ZFHX3: variants seen among roughly 807,000 people sequenced by gnomAD.
ZFHX3 encodes zinc finger homeobox 3.
ZFHX3 carries 42 observed loss-of-function variants against 279.1 expected under a neutral mutation model. That is an observed-to-expected ratio of 0.15 (90% CI 0.12 to 0.19). The LOEUF is 0.19. Ranked by LOEUF, ZFHX3 falls within the 10% of genes least tolerant of loss-of-function variation. The pLI, the probability that ZFHX3 is intolerant of heterozygous loss-of-function variation, is 1.00. For synonymous variants in ZFHX3, 2,293 were observed against 1,957.8 expected, an observed-to-expected ratio of 1.17 and a Z score of -4.52; for missense variants, 4,981 against 4,754.0, an observed-to-expected ratio of 1.05 and a Z score of -1.40.
rs75174704 is a variant in ZFHX3 at position 72,798,719 on chromosome 16, T to TAAA, written c.3968-8_3968-6dup. The TAAA allele has an allele frequency of 3.7e-4, 531 of 1,432,724 alleles. No homozygotes were observed. The Admixed American group carries it at 5.4e-3, about 15-fold the overall frequency. The allele number at this position is 1,432,724 out of a possible 1,614,324, so 88.8% of individuals were successfully genotyped here. A position where few individuals can be genotyped will look rare whatever the true frequency, so the allele number is the denominator to read the frequency against. On this transcript the variant is annotated splice_region_variant and splice_polypyrimidine_tract_variant and intron_variant, in intron 8 of 9. Coordinates refer to ENST00000268489, the MANE Select transcript of ZFHX3 (RefSeq NM_006885.4). ...TTCCCAGATCCTCTGAGGTTTCTGT[T>TAAA]AAAAAAAAAAAAAAAATCAAACCCA...
intron 5 of ZFHX3, among the ~76,000 whole-genome samples, chr16:73,195,543 C>G (rs1012482580): frequency 5.9e-5 from 9 of 151,446 alleles, no homozygotes; most frequent in East Asian, 1.9e-4. Flanking sequence ...CTCAGCCTCC[C>G]GAGCAGCTGG....
chr16:73,416,831 G>T (rs62042250), intron 3 of ZFHX3, among the ~76,000 whole-genome samples: 1 of 150,294 alleles, frequency 6.7e-6, no homozygotes, highest in Non-Finnish European at 1.5e-5. Context: ...CCGAGATCGC[G>T]CCACTGCACT....
intron 3 of ZFHX3, among the ~76,000 whole-genome samples, chr16:73,451,152 G>C (rs954339023): frequency 6.6e-6 from 1 of 152,106 alleles, no homozygotes; most frequent in African/African-American, 2.4e-5. Context: ...ATCAGTCAAG[G>C]GCCTGCAGCT....
At chr16:73,045,996 C>G (rs1445841177) in intron 1 of ZFHX3, among the ~76,000 whole-genome samples, 2 of 152,164 alleles carry the variant, frequency 1.3e-5, no homozygotes, top group South Asian at 2.1e-4. Flanking sequence ...CCAGCCCACT[C>G]TGAGAGGCAC....
intron 1 of ZFHX3, among the ~76,000 whole-genome samples, chr16:73,755,418 AT>A (rs2053799717): frequency 6.6e-6 from 1 of 152,228 alleles, no homozygotes; most frequent in Non-Finnish European, 1.5e-5. Context: ...TCCAGTTTTA[AT>A]TATATCAATA....
chr16:73,133,033 A>G (rs970007701), intron 6 of ZFHX3, among the ~76,000 whole-genome samples: 6 of 152,198 alleles, frequency 3.9e-5, no homozygotes, highest in African/African-American at 1.4e-4. Context: ...TTGGCAACAC[A>G]TGGGAGGCCC....
intron 4 of ZFHX3, among the ~76,000 whole-genome samples, chr16:72,845,287 C>T (rs147207486): frequency 2.9e-4 from 44 of 152,296 alleles, no homozygotes; most frequent in African/African-American, 8.9e-4. Flanking sequence ...ACCACACACA[C>T]GCCTAGAGGA....
chr16:73,653,550 T>C (rs2052692025), intron 2 of ZFHX3, among the ~76,000 whole-genome samples: 1 of 151,732 alleles, frequency 6.6e-6, no homozygotes, highest in Non-Finnish European at 1.5e-5. Context: ...GGTAATGAAA[T>C]ACACTACATA....
rs770032775 is a variant in ZFHX3 at position 72,797,759 on chromosome 16, G to A, written c.4923C>T (p.Asn1641=). 3.7e-6 allele frequency: 6 copies of A among 1,614,102 alleles called. No homozygotes were observed. Among genetic ancestry groups the A allele is most frequent in the Admixed American group, 1.7e-5 (1 of 60,014 alleles). The part of the protein sequence containing the change: ...AASGSSNGTG[N]SSSISLSSST... ...AGGAGCTCAAGGAAATACTGCTGCT[G>A]TTCCCAGTCCCATTGCTGCTGCCAC... Residue 1641 remains asparagine, a synonymous_variant, in exon 9 of 10, where the codon AAC becomes AAT. Coordinates refer to ENST00000268489, the MANE Select transcript of ZFHX3 (RefSeq NM_006885.4).
intron 3 of ZFHX3, among the ~76,000 whole-genome samples, chr16:73,397,034 G>A (rs546284651): frequency 4.6e-5 from 7 of 152,184 alleles, no homozygotes; most frequent in African/African-American, 1.2e-4. Flanking sequence ...AAACCTAAGC[G>A]GCTCTCTTGT....
chr16:73,546,705 TGCTGCTGCTGCTGCTGCTGCTGCTGCTGC>T (rs1226726196), intron 2 of ZFHX3, among the ~76,000 whole-genome samples: 4 of 120,266 alleles, frequency 3.3e-5, no homozygotes, highest in Admixed American at 2.7e-4. Flanking sequence ...CTGCTGCTGC[TGCTGCTGCTGCTGCTGCTGCTGCTGCTGC>T]TGTTGCTTCT....
chr16:73,561,263 C>T (rs190634533), intron 2 of ZFHX3, among the ~76,000 whole-genome samples: 12 of 152,202 alleles, frequency 7.9e-5, no homozygotes, highest in Admixed American at 3.3e-4. Flanking sequence ...TTTAAGTTTC[C>T]ATCCGTGTGC....
intron 4 of ZFHX3, among the ~76,000 whole-genome samples, chr16:73,292,858 C>A (rs979449103): frequency 6.6e-6 from 1 of 152,116 alleles, no homozygotes; most frequent in African/African-American, 2.4e-5. Flanking sequence ...AGGAGGTATT[C>A]CTCGGGCTGG....
At chr16:73,059,332 A>AACAC (rs71391480) in exon 1 of ZFHX3, 3 of 146,160 alleles carry the variant, frequency 2.1e-5, no homozygotes, top group Admixed American at 6.8e-5. Context: ...ATGTATTAAA[A>AACAC]ACACACACAC....
chr16:73,378,803 C>T lies in ZFHX3; in HGVS notation c.-1290-60467G>A, dbSNP rs547461853. On this transcript the variant is annotated intron_variant, in intron 3 of 17. Coordinates refer to the ZFHX3 transcript ENST00000641206. ...TTTCACTTGCTCAGTTTCTTATCTC[C>T]CTTTATGCCAAGCTCAAGTGCATTA... 7.2e-5 allele frequency among the ~76,000 whole-genome samples: 11 copies of T among 152,262 alleles called. No individual in the cohort carries two copies. The South Asian group carries it at 1.9e-3, about 26-fold the overall frequency.
chr16:73,240,668 C>T (rs1042396232), intron 5 of ZFHX3, among the ~76,000 whole-genome samples: 4 of 152,138 alleles, frequency 2.6e-5, no homozygotes, highest in African/African-American at 7.2e-5. Flanking sequence ...ACACATTGGG[C>T]GACTTGATGT....
At chr16:72,913,697 G>A (rs1193792985) in intron 3 of ZFHX3, among the ~76,000 whole-genome samples, 13 of 152,126 alleles carry the variant, frequency 8.5e-5, no homozygotes, top group Admixed American at 8.5e-4. Flanking sequence ...GGGGAGTGAA[G>A]CTCCACCTTC....
chr16:73,797,807 CTTTTTTTT>C (rs35369374), intron 1 of ZFHX3, among the ~76,000 whole-genome samples: 1 of 82,874 alleles, frequency 1.2e-5, no homozygotes, highest in Non-Finnish European at 2.2e-5. Flanking sequence ...CTTCTGAAGA[CTTTTTTTT>C]TTTTTTTTTT....
chr16:72,886,427 A>T (rs1308061212), intron 4 of ZFHX3, among the ~76,000 whole-genome samples: 1 of 151,770 alleles, frequency 6.6e-6, no homozygotes, highest in East Asian at 1.9e-4. Context: ...AATGAGAGGA[A>T]CCTCGAAGGC....
Sources: allele counts gnomAD v4.1 joint callset (sites outside exome capture counted in the v4.1 genomes callset), GRCh38; gene constraint gnomAD v4.1.1; transcripts MANE v1.5; gene names NCBI Gene and HGNC (gene_info 2026-07-23, HGNC 2026-07-21).